ROBO2: variants seen among roughly 807,000 people sequenced by gnomAD.
The protein encoded by ROBO2 is roundabout guidance receptor 2.
In ROBO2, 53 loss-of-function variants were observed where a neutral mutation model predicts 160.8. The ratio of observed to expected loss-of-function variants is 0.33; its 90% confidence interval spans 0.26 to 0.41. The LOEUF is 0.41. ROBO2 is among the 10% of genes least tolerant of loss of function. ROBO2 has a pLI of 1.00. For synonymous variants in ROBO2, 664 were observed against 611.7 expected (o/e 1.09, Z -1.26); for missense variants, 1,577 against 1,722.4 (o/e 0.92, Z 1.49).
intron 2 of ROBO2, among the ~76,000 whole-genome samples, chr3:76,960,886 AGAC>A (rs2079599729): frequency 6.6e-6 from 1 of 152,200 alleles, no homozygotes; most frequent in Non-Finnish European, 1.5e-5. Context: ...TATTAAATGT[AGAC>A]TTATTCAGAC....
In ROBO2 at chr3:76,125,230, C is replaced by G. The variant is rs1408848058; in HGVS notation, c.109+187628C>G. Among the ~76,000 whole-genome samples the G allele has an allele frequency of 3.3e-5, 5 of 152,086 alleles. No homozygotes were observed. The East Asian group carries it at 9.6e-4, about 29-fold the overall frequency. ...CCCTGGTGTGTATGTACCACAATTT[C>G]TTTATCCAATCTACCATTGGTGGGC... On this transcript the variant is annotated intron_variant, in intron 2 of 26. Transcript: ENST00000487694.
chr3:76,594,733 C>A lies in ROBO2; in HGVS notation c.110-503281C>A, dbSNP rs1373773112. On this transcript the variant is annotated intron_variant, in intron 2 of 26. Transcript: ENST00000487694. ...TGGATAAATGTATTTTATTTAATTGCCAAATAAATAAATGATGTTCCCAAA... is the reference window on the plus strand; with the variant it reads ...TGGATAAATGTATTTTATTTAATTGACAAATAAATAAATGATGTTCCCAAA... 2.6e-5 allele frequency among the ~76,000 whole-genome samples: 4 copies of A among 151,914 alleles called. No individual in the cohort carries two copies. The East Asian group carries it at 7.7e-4, about 29-fold the overall frequency.
chr3:77,291,851 C>G (rs1430769229), intron 2 of ROBO2, among the ~76,000 whole-genome samples: 1 of 151,734 alleles, frequency 6.6e-6, no homozygotes, highest in Non-Finnish European at 1.5e-5. Context: ...TAAGCTGAGG[C>G]TAGATCACCC....
In ROBO2 at chr3:77,026,266, T is replaced by TGCTAG. The variant is rs1309336524; in HGVS notation, c.110-71747_110-71743dup. On this transcript the variant is annotated intron_variant, in intron 2 of 26. Coordinates refer to the ROBO2 transcript ENST00000487694. ...ATTAAAAGCTGTGTTATATTAAGGA[T>TGCTAG]GCTAGTGTGCTGTTTGAATAAAAAT... Among the ~76,000 whole-genome samples the TGCTAG allele has an allele frequency of 1.4e-4, 22 of 152,350 alleles. No individual in the cohort carries two copies. The East Asian group carries it at 4.0e-3, about 28-fold the overall frequency.
At chr3:77,099,104 C>T (rs1352746732) in intron 2 of ROBO2, among the ~76,000 whole-genome samples, 1 of 139,542 alleles carries the variant, frequency 7.2e-6, no homozygotes, top group Non-Finnish European at 1.5e-5. Flanking sequence ...CAGTGTCTCC[C>T]GCTGTCACAT....
intron 2 of ROBO2, among the ~76,000 whole-genome samples, chr3:76,001,546 G>C (rs544954366): frequency 1.3e-5 from 2 of 152,120 alleles, no homozygotes; most frequent in Admixed American, 1.3e-4. Context: ...GTATGTGTGT[G>C]TGTGTGTCTG....
intron 2 of ROBO2, among the ~76,000 whole-genome samples, chr3:76,860,202 A>T (rs1298755781): frequency 1.3e-5 from 2 of 152,128 alleles, no homozygotes; most frequent in African/African-American, 4.8e-5. Context: ...CCAGTGCCTG[A>T]TGCTATTCCC....
chr3:76,695,188 G>T (rs1482828058), intron 2 of ROBO2, among the ~76,000 whole-genome samples: 2 of 152,162 alleles, frequency 1.3e-5, no homozygotes, highest in Admixed American at 6.5e-5. Flanking sequence ...TTAGCCCTGA[G>T]TTTTTGTTTG....
At chr3:77,154,427 A>G (rs1221652760) in intron 2 of ROBO2, among the ~76,000 whole-genome samples, 1 of 152,108 alleles carries the variant, frequency 6.6e-6, no homozygotes, top group Non-Finnish European at 1.5e-5. Context: ...GATGTAAATT[A>G]GTTCACCACT....
In ROBO2 at chr3:77,550,999, C is replaced by A; in HGVS notation, c.1231+10C>A. 1 of 1,612,052 alleles carries A rather than the reference C, an allele frequency of 6.2e-7. No homozygotes were observed. The highest frequency in any genetic ancestry group is 8.5e-7 in the Non-Finnish European group (1 of 1,178,652). The stretch of plus-strand genomic sequence containing the variant: ...CTGGAGGTTACTGATGGTGCGATAT[C>A]TTTACTAGATTTGTCTTATGAAAAC... On this transcript the variant is annotated intron_variant, in intron 8 of 25. Coordinates refer to ENST00000461745, the Ensembl canonical transcript of ROBO2.
intron 2 of ROBO2, among the ~76,000 whole-genome samples, chr3:76,496,835 T>C (rs2080176260): frequency 6.6e-6 from 1 of 152,192 alleles, no homozygotes; most frequent in African/African-American, 2.4e-5. Context: ...CATACTATTA[T>C]ATGGCATCCC....
intron 2 of ROBO2, among the ~76,000 whole-genome samples, chr3:77,447,102 A>G (rs1341984231): frequency 6.6e-6 from 1 of 152,134 alleles, no homozygotes; most frequent in African/African-American, 2.4e-5. Flanking sequence ...AAACCTACTT[A>G]TAACCCATTG....
At chr3:76,214,306 T>G (rs181040014) in intron 2 of ROBO2, among the ~76,000 whole-genome samples, 2 of 152,176 alleles carry the variant, frequency 1.3e-5, no homozygotes, top group East Asian at 3.9e-4. Context: ...AAATTTGTGT[T>G]AAAACTCGGT....
At chr3:77,096,582 G>A (rs1209676066) in intron 1 of ROBO2, among the ~76,000 whole-genome samples, 2 of 151,766 alleles carry the variant, frequency 1.3e-5, no homozygotes, top group Admixed American at 1.3e-4. Flanking sequence ...CCGAGTAGCT[G>A]GGATTATAGG....
intron 2 of ROBO2, among the ~76,000 whole-genome samples, chr3:77,181,433 C>T (rs368035403): frequency 6.6e-5 from 10 of 152,112 alleles, no homozygotes; most frequent in African/African-American, 9.6e-5. Flanking sequence ...ACTGAGAATA[C>T]GGCTCTGAAT....
intron 2 of ROBO2, among the ~76,000 whole-genome samples, chr3:77,451,964 CT>C (rs1358158896): frequency 6.6e-6 from 1 of 151,996 alleles, no homozygotes; most frequent in African/African-American, 2.4e-5. Context: ...GTTCCCCTTC[CT>C]GTGTCCAAGT....
intron 2 of ROBO2, among the ~76,000 whole-genome samples, chr3:76,619,129 A>G (rs1426984160): frequency 6.6e-6 from 1 of 151,658 alleles, no homozygotes; most frequent in Non-Finnish European, 1.5e-5. Flanking sequence ...TCACGAGGTC[A>G]GGAGATCGAG....
chr3:77,128,159 C>T (rs992250630), intron 2 of ROBO2, among the ~76,000 whole-genome samples: 4 of 152,056 alleles, frequency 2.6e-5, no homozygotes, highest in African/African-American at 9.7e-5. Context: ...TTCTAGATGC[C>T]AGGTGCATAT....
intron 2 of ROBO2, among the ~76,000 whole-genome samples, chr3:76,133,158 A>G (rs1400611413): frequency 6.6e-6 from 1 of 152,144 alleles, no homozygotes; most frequent in Non-Finnish European, 1.5e-5. Flanking sequence ...TAAAACAGCA[A>G]AATATGACCT....
Sources: allele counts gnomAD v4.1 joint callset (sites outside exome capture counted in the v4.1 genomes callset), GRCh38; gene constraint gnomAD v4.1.1; transcripts MANE v1.5; gene names NCBI Gene and HGNC (gene_info 2026-07-23, HGNC 2026-07-21).